DHX9: variants seen among roughly 807,000 people sequenced by gnomAD.
DHX9 encodes the protein ATP-dependent RNA helicase A.
DHX9 carries 27 observed loss-of-function variants against 148.7 expected under a neutral mutation model. The observed-to-expected ratio is 0.18, with a 90% confidence interval of 0.13 to 0.25. The LOEUF is 0.25. DHX9 is among the 10% of genes least tolerant of loss of function. DHX9 has a pLI of 1.00. For missense variants in DHX9, 796 were observed against 1,559.6 expected, an observed-to-expected ratio of 0.51 and a Z score of 8.25; for synonymous variants, 529 against 516.6, an observed-to-expected ratio of 1.02 and a Z score of -0.33.
chr1:182,847,601 T>C (rs1042831982), intron 3 of DHX9, among the ~76,000 whole-genome samples: 3 of 152,202 alleles, frequency 2.0e-5, no homozygotes, highest in Admixed American at 6.5e-5. Context: ...GGGCTCCTCC[T>C]CTCTGGCTGT....
At chr1:182,843,214 A>G in intron 2 of DHX9, 80 bp from the exon 3 acceptor site, 1 of 1,134,640 alleles carries the variant, frequency 8.8e-7, no homozygotes, top group East Asian at 2.8e-5. Context: ...GTTGTCTCTT[A>G]ATGGACTACT....
At chr1:182,853,733 A>G (rs183777669) in intron 5 of DHX9, among the ~76,000 whole-genome samples, 1 of 152,134 alleles carries the variant, frequency 6.6e-6, no homozygotes, top group African/African-American at 2.4e-5. Context: ...AAAAGTCTTT[A>G]GTATAGCTTA....
rs146370553 is a variant in DHX9, at chr1:182,869,293, G to A, written c.1557+2250G>A. On this transcript the variant is annotated intron_variant, in intron 14 of 27. Coordinates refer to ENST00000367549, the MANE Select transcript of DHX9 (RefSeq NM_001357.5). ...AGTCCTGACCGGTCTTATCCGGTTC[G>A]GCCCAGTCTGGTCCGGTCCTGACCA... Among the ~76,000 whole-genome samples the A allele has an allele frequency of 1.3e-3, 199 of 149,508 alleles. 1 individual carries two copies. Among genetic ancestry groups the A allele is most frequent in the African/African-American group, 4.7e-3 (191 of 40,604 alleles).
intron 24 of DHX9, among the ~76,000 whole-genome samples, chr1:182,881,881 A>G (rs1325806121): frequency 6.6e-6 from 1 of 152,216 alleles, no homozygotes; most frequent in Non-Finnish European, 1.5e-5. Context: ...AGTAAATTCT[A>G]CCACATTAAA....
At chr1:182,853,952 A>G in intron 5 of DHX9, 78 bp from the exon 6 acceptor site, 2 of 1,317,990 alleles carry the variant, frequency 1.5e-6, no homozygotes, top group East Asian at 2.3e-5. Context: ...TAGTACAAAG[A>G]CAGTATTAAA....
At chr1:182,845,653 C>T (rs540834508) in intron 3 of DHX9, among the ~76,000 whole-genome samples, 4 of 152,290 alleles carry the variant, frequency 2.6e-5, no homozygotes, top group African/African-American at 9.6e-5. Flanking sequence ...ACAAGACTCC[C>T]CAGCCCCTTC....
intron 1 of DHX9, among the ~76,000 whole-genome samples, chr1:182,840,393 G>C (rs1667901075): frequency 7.0e-6 from 1 of 143,698 alleles, no homozygotes; most frequent in Admixed American, 7.2e-5. Context: ...TCGGTCTCCC[G>C]GGTTCAAGTG....
intron 27 of DHX9, among the ~76,000 whole-genome samples, chr1:182,885,021 G>A (rs1054842934): frequency 2.6e-5 from 4 of 152,208 alleles, no homozygotes; most frequent in Admixed American, 6.5e-5. Context: ...TAGTTGGTCT[G>A]CTGCATCAGT....
Position 182,853,300 on chromosome 1 carries a change from TAACA to T in DHX9, c.365-5_365-2del. On this transcript the variant is annotated splice_acceptor_variant and splice_polypyrimidine_tract_variant and intron_variant, in intron 4 of 27. Transcript: ENST00000367549. LOFTEE classifies it high-confidence loss of function. ...CTCATTAAGAGAATTTTTTTTCTTTTAACAGAAAATAATTCTGAGGTAGGGGCCT... is the reference window on the plus strand; with the variant it reads ...CTCATTAAGAGAATTTTTTTTCTTTTGAAAATAATTCTGAGGTAGGGGCCT... 1 of 1,598,422 alleles carries T rather than the reference TAACA, an allele frequency of 6.3e-7. No individual in the cohort carries two copies. Among genetic ancestry groups the T allele is most frequent in the African/African-American group, 1.4e-5 (1 of 74,008 alleles).
At position 182,881,642 on chromosome 1, in the gene DHX9, C is replaced by G; in HGVS notation, c.2909C>G (p.Pro970Arg). ...GAGATTTTGATTAATTCTGGGTTTC[C>G]AGAAGGTAAGACTTCTTCCATTCTT... ...LKEILINSGF[P>R]EDCLLTQVFT... The change falls in exon 24 of 28, where the codon CCA (proline) becomes CGA (arginine). Residue 970 changes from proline to arginine, a missense_variant. This residue lies in a region of DHX9 where 122 missense variants were observed against 289.3 expected (regional missense o/e 0.42). Transcript: ENST00000367549. 1 of 1,599,610 alleles carries G rather than the reference C, an allele frequency of 6.3e-7. No homozygotes were observed. Among genetic ancestry groups the G allele is most frequent in the Non-Finnish European group, 8.5e-7 (1 of 1,175,910 alleles).
chr1:182,887,021 G>C (rs1461938499), intron 27 of DHX9, 62 bp from the exon 28 acceptor site: 1 of 1,441,968 alleles, frequency 6.9e-7, no homozygotes, highest in African/African-American at 1.4e-5. Context: ...GTGTACATTT[G>C]GTAAGTCGTT....
Position 182,880,494 on chromosome 1 carries a change from C to T in DHX9, c.2513-3C>T, listed in dbSNP as rs1649038259. 1 of 1,599,154 alleles carries T rather than the reference C, an allele frequency of 6.3e-7. No homozygotes were observed. Among genetic ancestry groups the T allele is most frequent in the Non-Finnish European group, 8.6e-7 (1 of 1,167,550 alleles). ...CTGCTCACAAAGAACTATCTCCCCA[C>T]AGAGCTTGATGCATTAGATGCCAAT... is the stretch of plus-strand genomic sequence containing the variant. On this transcript the variant is annotated splice_polypyrimidine_tract_variant and splice_region_variant and intron_variant, in intron 21 of 27. Coordinates refer to ENST00000367549, the MANE Select transcript of DHX9 (RefSeq NM_001357.5).
intron 14 of DHX9, among the ~76,000 whole-genome samples, chr1:182,867,457 C>T (rs1299235643): frequency 6.6e-6 from 1 of 152,096 alleles, no homozygotes; most frequent in Non-Finnish European, 1.5e-5. Flanking sequence ...GGCTGGAGTG[C>T]AGTGGCGCGA....
At chr1:182,855,933 T>C (rs1668242867) in intron 6 of DHX9, among the ~76,000 whole-genome samples, 1 of 152,212 alleles carries the variant, frequency 6.6e-6, no homozygotes, top group Admixed American at 6.5e-5. Context: ...AACATGTGTT[T>C]TGTTCTCCAG....
intron 3 of DHX9, among the ~76,000 whole-genome samples, chr1:182,845,970 T>G (rs560642933): frequency 6.6e-6 from 1 of 152,286 alleles, no homozygotes; most frequent in African/African-American, 2.4e-5. Context: ...TTATGGAAAC[T>G]TCATTATTCA....
intron 3 of DHX9, among the ~76,000 whole-genome samples, chr1:182,850,065 C>T (rs577273233): frequency 2.8e-5 from 4 of 143,272 alleles, no homozygotes; most frequent in African/African-American, 1.0e-4. Flanking sequence ...TTTCTGTCTT[C>T]TCTGGCACTG....
chr1:182,881,739 T>C (rs1649094287), intron 24 of DHX9, 92 bp downstream of exon 24: 1 of 1,360,178 alleles, frequency 7.4e-7, no homozygotes, highest in Non-Finnish European at 9.9e-7. Flanking sequence ...TTTCAAATTT[T>C]AGACCCTATG....
At chr1:182,851,631 C>T (rs965289275) in intron 3 of DHX9, among the ~76,000 whole-genome samples, 8 of 152,042 alleles carry the variant, frequency 5.3e-5, no homozygotes, top group African/African-American at 1.9e-4. Flanking sequence ...AGTTCTTCAT[C>T]CTAAAACCCA....
intron 1 of DHX9, among the ~76,000 whole-genome samples, chr1:182,841,530 T>A (rs1245940385): frequency 6.6e-6 from 1 of 152,192 alleles, no homozygotes; most frequent in Non-Finnish European, 1.5e-5. Flanking sequence ...AATAGGACAT[T>A]CCCTTCGCCA....
Sources: gnomAD v4.1 joint callset for allele counts (sites outside exome capture counted in the v4.1 genomes callset) on GRCh38, gnomAD v4.1.1 for gene constraint, gnomAD v4.1.1 regional missense constraint, MANE v1.5 for transcripts, NCBI Gene and HGNC (gene_info 2026-07-23, HGNC 2026-07-21) for gene names.